Variants in SLC5A7 observed in about 807,000 individuals in gnomAD.
The protein encoded by SLC5A7 is solute carrier family 5 member 7, also known as high affinity choline transporter 1.
Under a neutral mutation model 55.4 loss-of-function variants are expected in SLC5A7, and 19 were observed. The observed-to-expected ratio is 0.34, with a 90% CI of 0.24 to 0.50. SLC5A7 has a LOEUF of 0.50. Ranked by LOEUF, SLC5A7 falls within the 20% of genes least tolerant of loss-of-function variation. The pLI is 0.98. For synonymous variants in SLC5A7, 265 were observed against 263.7 expected (o/e 1.00, Z -0.05); for missense variants, 506 against 705.3 (o/e 0.72, Z 3.20).
intron 4 of SLC5A7, among the ~76,000 whole-genome samples, chr2:107,993,818 A>C (rs183727059): frequency 6.6e-6 from 1 of 152,248 alleles, no homozygotes; most frequent in African/African-American, 2.4e-5. Flanking sequence ...AAGAAGTGAG[A>C]TATCACCAAC....
chr2:108,006,323 C>T lies in SLC5A7; in HGVS notation c.895+121C>T, dbSNP rs891175673. On this transcript the variant is annotated intron_variant, in intron 7 of 8. Coordinates refer to ENST00000264047, the MANE Select transcript of SLC5A7 (RefSeq NM_021815.5). The stretch of plus-strand genomic sequence containing the variant: ...GAATTCTTTCTCACCACATTCATAT[C>T]TATAGATTTGTTATAGCATTCAGTA... 3.8e-6 allele frequency: 4 copies of T among 1,064,402 alleles called. No individual in the cohort carries two copies. In the Admixed American group the frequency reaches 6.6e-5, roughly 18 times the overall value. The allele number at this position is 1,064,402 out of a possible 1,614,324, so 65.9% of individuals were successfully genotyped here.
intron 8 of SLC5A7, among the ~76,000 whole-genome samples, chr2:108,009,071 C>A (rs530823666): frequency 6.6e-6 from 1 of 151,886 alleles, no homozygotes; most frequent in Non-Finnish European, 1.5e-5. Context: ...TTGTTCGACA[C>A]GTATTTTTGT....
At chr2:107,987,946 G>A (rs1677310588) in intron 1 of SLC5A7, among the ~76,000 whole-genome samples, 159 bp from the exon 2 acceptor site, 1 of 152,076 alleles carries the variant, frequency 6.6e-6, no homozygotes, top group African/African-American at 2.4e-5. Context: ...ATAATGTAGT[G>A]GACACTTATT....
At chr2:107,995,445 GA>G (rs1482637819) in intron 4 of SLC5A7, among the ~76,000 whole-genome samples, 28 of 105,864 alleles carry the variant, frequency 2.6e-4, no homozygotes, top group African/African-American at 1.0e-3. Flanking sequence ...AACTCTTTGG[GA>G]GAGAGAGAGA....
rs1054324619 is a variant in SLC5A7 at position 107,992,838 on chromosome 2, A to G, written c.293-134A>G. ...AACCTAATATTTATAGTAGGTTGGT[A>G]CTGTGTGCAGACTTGTTCCTCAATC... On this transcript the variant is annotated intron_variant, in intron 3 of 8. Transcript: ENST00000264047. 5.0e-6 allele frequency: 4 copies of G among 797,082 alleles called. No individual in the cohort carries two copies. The Admixed American group carries it at 1.0e-4, about 20-fold the overall frequency. The allele number at this position is 797,082 out of a possible 1,614,324, so 49.4% of individuals were successfully genotyped here. A position where few individuals can be genotyped will look rare whatever the true frequency, so the allele number is the denominator to read the frequency against.
intron 7 of SLC5A7, among the ~76,000 whole-genome samples, chr2:108,006,860 G>C (rs779720757): frequency 4.7e-4 from 72 of 152,264 alleles, no homozygotes; most frequent in African/African-American, 1.7e-3. Flanking sequence ...TTGAACTTGA[G>C]ATTTCTGCTT....
intron 5 of SLC5A7, among the ~76,000 whole-genome samples, chr2:108,001,540 G>A (rs375575924): frequency 6.6e-6 from 1 of 150,422 alleles, no homozygotes. Context: ...GGGCGTAGTG[G>A]CGGGCGCCTG....
chr2:108,009,598 T>C (rs1240380843), intron 8 of SLC5A7, among the ~76,000 whole-genome samples: 1 of 152,184 alleles, frequency 6.6e-6, no homozygotes, highest in East Asian at 1.9e-4. Flanking sequence ...TTGCTGAGGA[T>C]GATGGCTTCC....
chr2:107,997,793 A>C lies in SLC5A7; in HGVS notation c.449-45A>C, dbSNP rs949346502. ...ATTATGTCCTTATACAAAGAGCAGA[A>C]TCTGTCTGGGCACCTTGACCACAGA... On this transcript the variant is annotated intron_variant, in intron 4 of 8. Transcript: ENST00000264047. 11 of 1,526,104 alleles carry C rather than the reference A, an allele frequency of 7.2e-6. No homozygotes were observed. The African/African-American group carries it at 1.5e-4, about 21-fold the overall frequency. The allele number at this position is 1,526,104 out of a possible 1,614,324, so 94.5% of individuals were successfully genotyped here.
At chr2:107,999,939 C>T (rs1303772198) in intron 5 of SLC5A7, among the ~76,000 whole-genome samples, 2 of 152,172 alleles carry the variant, frequency 1.3e-5, no homozygotes, top group Non-Finnish European at 2.9e-5. Flanking sequence ...CTAAACTCAC[C>T]ATTCATGTCT....
chr2:108,007,404 T>G lies in SLC5A7; in HGVS notation c.896-1061T>G, dbSNP rs1678165832. On this transcript the variant is annotated intron_variant, in intron 7 of 8. Coordinates refer to ENST00000264047, the MANE Select transcript of SLC5A7 (RefSeq NM_021815.5). The stretch of plus-strand genomic sequence containing the variant: ...GTAAAGATGACTGACGAAGGTGGTA[T>G]GTAGTGTTTGTCTCTGAAAAAAAAA... Among the ~76,000 whole-genome samples, 4 of 119,066 alleles carry G rather than the reference T, an allele frequency of 3.4e-5. No individual in the cohort carries two copies. The South Asian group carries it at 1.2e-3, about 37-fold the overall frequency. The allele number at this position is 119,066 out of a possible 152,430, so 78.1% of individuals were successfully genotyped here.
chr2:108,007,139 CATCATGTTA>C (rs796141006), intron 7 of SLC5A7, among the ~76,000 whole-genome samples: 18 of 152,140 alleles, frequency 1.2e-4, no homozygotes, highest in African/African-American at 4.3e-4. Context: ...AATGAAAATA[CATCATGTTA>C]ATCCAAATTC....
Position 107,998,006 on chromosome 2 carries a change from A to T in SLC5A7, c.597+20A>T, listed in dbSNP as rs1231852576. On this transcript the variant is annotated intron_variant, in intron 5 of 8. Coordinates refer to ENST00000264047, the MANE Select transcript of SLC5A7 (RefSeq NM_021815.5). ...GGGCTGGTAAGTGGGAGCACCCAAGATTCTCCTCCTTTTTTTCTGTAAAAG... is the reference window on the plus strand; with the variant it reads ...GGGCTGGTAAGTGGGAGCACCCAAGTTTCTCCTCCTTTTTTTCTGTAAAAG... 1 of 1,597,220 alleles carries T rather than the reference A, an allele frequency of 6.3e-7. No individual in the cohort carries two copies. The highest frequency in any genetic ancestry group is 8.5e-7 in the Non-Finnish European group (1 of 1,173,950).
chr2:108,005,920 G>A, intron 6 of SLC5A7, 129 bp from the exon 7 acceptor site: 1 of 1,065,434 alleles, frequency 9.4e-7, no homozygotes, highest in East Asian at 2.6e-5. Context: ...ATTGATATTT[G>A]TGGCTACATG....
intron 7 of SLC5A7, among the ~76,000 whole-genome samples, chr2:108,007,139 C>T (rs1558870267): frequency 6.6e-6 from 1 of 152,022 alleles, no homozygotes; most frequent in East Asian, 1.9e-4. Flanking sequence ...AATGAAAATA[C>T]ATCATGTTAA....
intron 4 of SLC5A7, 41 bp from the exon 5 acceptor site, chr2:107,997,793 ATCTG>A (rs773259219): frequency 3.3e-6 from 5 of 1,526,104 alleles, no homozygotes; most frequent in East Asian, 4.7e-5. Flanking sequence ...AAAGAGCAGA[ATCTG>A]TCTGGGCACC....
rs1212159545 is a variant in SLC5A7, at chr2:107,993,255, T to C, written c.448+128T>C. On this transcript the variant is annotated intron_variant, in intron 4 of 8. Coordinates refer to ENST00000264047, the MANE Select transcript of SLC5A7 (RefSeq NM_021815.5). ...AAAACCATATGCTGAACCATATTTA[T>C]ATGCATAAAAGCTTAATGGAAATTC... 5 of 978,162 alleles carry C rather than the reference T, an allele frequency of 5.1e-6. No individual in the cohort carries two copies. The African/African-American group carries it at 8.2e-5, about 16-fold the overall frequency. The allele number at this position is 978,162 out of a possible 1,614,324, so 60.6% of individuals were successfully genotyped here.
intron 4 of SLC5A7, 134 bp from the exon 5 acceptor site, chr2:107,997,704 A>T: frequency 1.3e-6 from 1 of 770,332 alleles, no homozygotes; most frequent in Non-Finnish European, 1.9e-6. Flanking sequence ...AATTAACTTT[A>T]GGTGTTTTCA....
chr2:108,000,162 C>T (rs757491981), intron 5 of SLC5A7, among the ~76,000 whole-genome samples: 2 of 152,182 alleles, frequency 1.3e-5, no homozygotes, highest in African/African-American at 2.4e-5. Context: ...CGAGTGTACA[C>T]GCACACACAC....
Sources: gnomAD v4.1 joint callset for allele counts (sites outside exome capture counted in the v4.1 genomes callset) on GRCh38, gnomAD v4.1.1 for gene constraint, MANE v1.5 for transcripts, NCBI Gene and HGNC (gene_info 2026-07-23, HGNC 2026-07-21) for gene names.